ARHGEF7: variants seen among roughly 807,000 people sequenced by gnomAD.
The protein encoded by ARHGEF7 is Rho guanine nucleotide exchange factor 7.
A neutral mutation model predicts 109.8 loss-of-function variants in ARHGEF7; 33 were observed. That is an observed-to-expected ratio of 0.30 (90% CI 0.23 to 0.40). ARHGEF7 has a LOEUF of 0.40. Ranked by LOEUF, ARHGEF7 falls within the 10% of genes least tolerant of loss-of-function variation. ARHGEF7 has a pLI of 1.00. For missense variants in ARHGEF7, 938 were observed against 1,098.5 expected (o/e 0.85, Z 2.07); for synonymous variants, 458 against 424.6 (o/e 1.08, Z -0.97).
Position 111,300,810 on chromosome 13 carries a change from G to A in ARHGEF7, c.2374G>A (p.Glu792Lys). The A allele has an allele frequency of 6.2e-7, 1 of 1,610,746 alleles. No homozygotes were observed. Among genetic ancestry groups the A allele is most frequent in the Non-Finnish European group, 8.5e-7 (1 of 1,178,210 alleles). The change falls in exon 20 of 22, where the codon GAA (glutamate) becomes AAA (lysine). Residue 792 changes from glutamate (E) to lysine (K), a missense_variant. By Grantham distance (56) the Glu-to-Lys change is moderately conservative. This residue lies in a region of ARHGEF7 where 166 missense variants were observed against 167.3 expected (regional missense o/e 0.99). Coordinates refer to ENST00000646102, the MANE Select transcript of ARHGEF7 (RefSeq NM_001354046.2). Reference sequence around the variant, plus strand: ...AGAAGAAGAGAAAATTATAGTGGAAGAAACTAAAAGTAATGGTCAGACAGT... The same window carrying A: ...AGAAGAAGAGAAAATTATAGTGGAAAAAACTAAAAGTAATGGTCAGACAGT... The part of the protein sequence containing the change: ...LPEEEKIIVE[E>K]TKSNGQTVIE...
chr13:111,219,791 A>G (rs1035555300), intron 5 of ARHGEF7, among the ~76,000 whole-genome samples: 1 of 151,998 alleles, frequency 6.6e-6, no homozygotes, highest in African/African-American at 2.4e-5. Context: ...GCTGCTTGTT[A>G]TGTTCCAGTT....
At chr13:111,238,016 G>T (rs993102303) in intron 6 of ARHGEF7, among the ~76,000 whole-genome samples, 1 of 152,218 alleles carries the variant, frequency 6.6e-6, no homozygotes, top group African/African-American at 2.4e-5. Context: ...CAGGCCTTGG[G>T]CTTGGAGAGT....
At chr13:111,232,492 C>T (rs561304360) in intron 5 of ARHGEF7, among the ~76,000 whole-genome samples, 1 of 152,174 alleles carries the variant, frequency 6.6e-6, no homozygotes, top group Non-Finnish European at 1.5e-5. Flanking sequence ...ATGCATGGTG[C>T]CAGGTTTTGT....
At chr13:111,128,822 A>G (rs2067753265) in intron 1 of ARHGEF7, among the ~76,000 whole-genome samples, 1 of 152,222 alleles carries the variant, frequency 6.6e-6, no homozygotes, top group African/African-American at 2.4e-5. Context: ...ATTGATCTAT[A>G]GATTCAACAG....
intron 2 of ARHGEF7, among the ~76,000 whole-genome samples, chr13:111,202,149 G>A (rs561394714): frequency 3.9e-5 from 6 of 152,338 alleles, no homozygotes; most frequent in African/African-American, 1.4e-4. Context: ...AGATCCTAAA[G>A]CGTATTATGG....
chr13:111,284,744 G>C (rs918360743), intron 16 of ARHGEF7, among the ~76,000 whole-genome samples: 1 of 152,232 alleles, frequency 6.6e-6, no homozygotes, highest in African/African-American at 2.4e-5. Flanking sequence ...GTAGCGTGGA[G>C]AGTGATCTTG....
chr13:111,293,969 T>G, intron 19 of ARHGEF7: 1 of 985,442 alleles, frequency 1.0e-6, no homozygotes, highest in Non-Finnish European at 1.2e-6. Context: ...AACAAGCTAA[T>G]GGCACAGGAG....
At chr13:111,299,594 C>T (rs570536688) in intron 19 of ARHGEF7, among the ~76,000 whole-genome samples, 2 of 152,172 alleles carry the variant, frequency 1.3e-5, no homozygotes, top group African/African-American at 4.8e-5. Context: ...CACCCGCCTC[C>T]GCCTCCCAAA....
Position 111,257,122 on chromosome 13 carries a change from G to C in ARHGEF7, c.951-10426G>C, listed in dbSNP as rs562058056. Reference sequence around the variant, plus strand: ...TATGAGCCTTTCTTGTTGCTGCCTGGTGGGGCTGAAAGTGGGATTTTCCCC... The same window carrying C: ...TATGAGCCTTTCTTGTTGCTGCCTGCTGGGGCTGAAAGTGGGATTTTCCCC... On this transcript the variant is annotated intron_variant, in intron 8 of 21. Transcript: ENST00000646102. 2.6e-5 allele frequency among the ~76,000 whole-genome samples: 4 copies of C among 152,298 alleles called. No individual in the cohort carries two copies. In the East Asian group the frequency reaches 7.7e-4, roughly 29 times the overall value.
At chr13:111,125,749 T>A (rs1190309835) in intron 1 of ARHGEF7, among the ~76,000 whole-genome samples, 4 of 152,252 alleles carry the variant, frequency 2.6e-5, no homozygotes, top group Non-Finnish European at 5.9e-5. Context: ...TAGCTTAAGT[T>A]CATAAGGGAC....
intron 5 of ARHGEF7, among the ~76,000 whole-genome samples, chr13:111,221,213 A>G (rs2083863028): frequency 1.6e-5 from 1 of 63,390 alleles, no homozygotes; most frequent in African/African-American, 7.2e-5. Context: ...ATAGATATAT[A>G]TGTCTATATA....
chr13:111,263,241 A>T (rs528906433), intron 8 of ARHGEF7, among the ~76,000 whole-genome samples: 1 of 152,220 alleles, frequency 6.6e-6, no homozygotes, highest in African/African-American at 2.4e-5. Flanking sequence ...TTTATCAGCC[A>T]TGAAACTTTG....
intron 2 of ARHGEF7, among the ~76,000 whole-genome samples, chr13:111,176,640 G>C (rs1224907061): frequency 6.6e-6 from 1 of 152,204 alleles, no homozygotes; most frequent in African/African-American, 2.4e-5. Flanking sequence ...ATGATGAGTG[G>C]GACCCCCGCG....
At chr13:111,221,532 T>TAGATATATATAGA (rs1566876331) in intron 5 of ARHGEF7, among the ~76,000 whole-genome samples, 2 of 36,672 alleles carry the variant, frequency 5.5e-5, no homozygotes, top group African/African-American at 8.2e-5. Flanking sequence ...TCTATATATA[T>TAGATATATATAGA]CTATATATAG....
chr13:111,209,961 A>G lies in ARHGEF7; in HGVS notation c.427A>G (p.Thr143Ala). ...FDSLGSQSLH[T>A]RTSKLFQGQY... ...CTCCCTTGGATCACAGTCTTTGCAC[A>G]CTCGGACTTCAAAACTGTTCCAGGG... Residue 143 changes from threonine (T) to alanine (A), a missense_variant, in exon 4 of 22, where the codon ACT becomes GCT. By Grantham distance (58) the Thr-to-Ala change is moderately conservative (BLOSUM62 0). This residue lies in a region of ARHGEF7 where 585 missense variants were observed against 723.6 expected (regional missense o/e 0.81). Transcript: ENST00000646102. 1.2e-6 allele frequency: 2 copies of G among 1,614,112 alleles called. No homozygotes were observed. Among genetic ancestry groups the G allele is most frequent in the Non-Finnish European group, 1.7e-6 (2 of 1,180,024 alleles).
At chr13:111,138,142 C>T (rs751507662) in intron 1 of ARHGEF7, among the ~76,000 whole-genome samples, 2 of 151,990 alleles carry the variant, frequency 1.3e-5, no homozygotes, top group Non-Finnish European at 2.9e-5. Flanking sequence ...GGAGAAACCC[C>T]ATCTCTACTA....
intron 2 of ARHGEF7, among the ~76,000 whole-genome samples, chr13:111,174,982 C>T (rs1195312660): frequency 6.6e-6 from 1 of 152,198 alleles, no homozygotes; most frequent in East Asian, 1.9e-4. Context: ...TCCTCCTCAA[C>T]CGTCCTCCTG....
At chr13:111,155,071 G>A (rs77047376) in intron 2 of ARHGEF7, among the ~76,000 whole-genome samples, 2,694 of 152,200 alleles carry the variant, frequency 0.018, 77 homozygotes, top group East Asian at 0.13. Context: ...TAATGTACTA[G>A]GTAGTGTATG....
chr13:111,209,722 G>C, intron 3 of ARHGEF7, 150 bp from the exon 4 acceptor site: 1 of 834,638 alleles, frequency 1.2e-6, no homozygotes, highest in Non-Finnish European at 1.8e-6. Context: ...CAAATAATTT[G>C]TTCTTTGTTT....
Sources: allele counts gnomAD v4.1 joint callset (sites outside exome capture counted in the v4.1 genomes callset), GRCh38; gene constraint gnomAD v4.1.1; regional missense constraint gnomAD v4.1.1; transcripts MANE v1.5; gene names NCBI Gene and HGNC (gene_info 2026-07-23, HGNC 2026-07-21).